FRAS1: variants seen among roughly 807,000 people sequenced by gnomAD.
FRAS1 encodes the protein extracellular matrix organizing protein FRAS1.
Under a neutral mutation model 435.2 loss-of-function variants are expected in FRAS1, and 290 were observed. The observed-to-expected ratio is 0.67, with a 90% confidence interval of 0.61 to 0.73. The LOEUF (loss-of-function observed/expected upper bound fraction) is 0.73. FRAS1 is among the 30% of genes least tolerant of loss of function. FRAS1 has a pLI of 0.00. For synonymous variants in FRAS1, 1,800 were observed against 1,851.0 expected (o/e 0.97, Z 0.71); for missense variants, 4,860 against 5,001.5 (o/e 0.97, Z 0.85).
At chr4:78,200,164 T>C (rs1254515721) in intron 2 of FRAS1, among the ~76,000 whole-genome samples, 1 of 152,204 alleles carries the variant, frequency 6.6e-6, no homozygotes, top group African/African-American at 2.4e-5. Flanking sequence ...TACTGGATGA[T>C]GAAATGTTAC....
chr4:78,495,959 C>T (rs1185307884), intron 59 of FRAS1, among the ~76,000 whole-genome samples: 1 of 152,126 alleles, frequency 6.6e-6, no homozygotes, highest in African/African-American at 2.4e-5. Flanking sequence ...TAAATATTCA[C>T]AGGGATATTC....
chr4:78,392,187 A>G (rs1474817126), intron 29 of FRAS1, among the ~76,000 whole-genome samples: 1 of 152,136 alleles, frequency 6.6e-6, no homozygotes, highest in East Asian at 1.9e-4. Context: ...TGCTTTCTTT[A>G]TGCTGGTAAA....
intron 36 of FRAS1, 61 bp from the exon 37 acceptor site, chr4:78,430,231 A>G: frequency 1.9e-6 from 3 of 1,607,058 alleles, no homozygotes; most frequent in African/African-American, 1.3e-5. Context: ...GTTTTAATAT[A>G]TAGTCTATCG....
chr4:78,450,124 AC>A, intron 44 of FRAS1, 26 bp from the exon 45 acceptor site: 1 of 1,586,426 alleles, frequency 6.3e-7, no homozygotes, highest in South Asian at 1.1e-5. Context: ...TTGGGGAATA[AC>A]CTACTCTCTT....
intron 13 of FRAS1, 29 bp from the exon 14 acceptor site, chr4:78,286,376 T>C: frequency 6.2e-7 from 1 of 1,612,416 alleles, no homozygotes; most frequent in Non-Finnish European, 8.5e-7. Flanking sequence ...ATGGTTCCTT[T>C]CTCTTTCTTC....
chr4:78,141,222 T>C (rs1291407359), intron 2 of FRAS1, among the ~76,000 whole-genome samples: 1 of 152,062 alleles, frequency 6.6e-6, no homozygotes, highest in Non-Finnish European at 1.5e-5. Context: ...CAGGCGCCAG[T>C]GTGTGATGTT....
At chr4:78,298,003 CCTCTCTCT>C (rs765903880) in intron 14 of FRAS1, among the ~76,000 whole-genome samples, 13 of 119,262 alleles carry the variant, frequency 1.1e-4, no homozygotes, top group South Asian at 5.2e-4. Context: ...TTAATTTGTT[CCTCTCTCT>C]CTCTCTCTCT....
intron 50 of FRAS1, among the ~76,000 whole-genome samples, chr4:78,467,806 G>A (rs1719581673): frequency 6.6e-6 from 1 of 152,086 alleles, no homozygotes; most frequent in Admixed American, 6.5e-5. Flanking sequence ...GTTTTGATTT[G>A]CATTTCTCTG....
chr4:78,172,560 T>G (rs1047862209), intron 2 of FRAS1, among the ~76,000 whole-genome samples: 4 of 152,110 alleles, frequency 2.6e-5, no homozygotes, highest in South Asian at 2.1e-4. Context: ...AGCTGAATTT[T>G]GAAAACTAAA....
At chr4:78,325,334 C>T (rs1250574989) in intron 18 of FRAS1, among the ~76,000 whole-genome samples, 4 of 152,186 alleles carry the variant, frequency 2.6e-5, no homozygotes, top group Non-Finnish European at 5.9e-5. Context: ...ATAAAGCATG[C>T]TCTGTGTATT....
At chr4:78,366,246 A>T (rs912947559) in intron 22 of FRAS1, among the ~76,000 whole-genome samples, 1 of 152,216 alleles carries the variant, frequency 6.6e-6, no homozygotes, top group Admixed American at 6.5e-5. Context: ...ATGATATGTA[A>T]GGTTCTGAGT....
chr4:78,280,762 A>G (rs1727294851), intron 10 of FRAS1, among the ~76,000 whole-genome samples: 1 of 152,150 alleles, frequency 6.6e-6, no homozygotes, highest in South Asian at 2.1e-4. Flanking sequence ...AGCGATAACA[A>G]TAGGACTTAC....
Position 78,312,179 on chromosome 4 carries a change from C to CATATATATATATATATATATATAT in FRAS1, c.1679-3395_1679-3394insATATATATATATATATATATATAT, listed in dbSNP as rs10526590. Among the ~76,000 whole-genome samples the CATATATATATATATATATATATAT allele has an allele frequency of 2.9e-3, 367 of 128,410 alleles. 8 individuals carry two copies. The highest frequency in any genetic ancestry group is 4.8e-3 in the Non-Finnish European group (280 of 58,302). 84.2% of individuals were successfully genotyped at this position (128,410 alleles called of 152,430 possible). A position where few individuals can be genotyped will look rare whatever the true frequency, so the allele number is the denominator to read the frequency against. On this transcript the variant is annotated intron_variant, in intron 15 of 73. Transcript: ENST00000512123. ...TTAGGTTGTCGAGCCATCTGAAGTC[C>CATATATATATATATATATATATAT]ATATATATATATATATATATGGGTT... is the stretch of plus-strand genomic sequence containing the variant.
intron 2 of FRAS1, among the ~76,000 whole-genome samples, chr4:78,090,507 G>C (rs1482707209): frequency 2.0e-5 from 3 of 152,042 alleles, no homozygotes; most frequent in East Asian, 3.9e-4. Flanking sequence ...TGTCAGATCT[G>C]GTTAAGTCCA....
Position 78,066,127 on chromosome 4 carries a change from T to TTA in FRAS1, c.108+111_108+112insTA. ...CATTGTAGAATATGTTTATTTTTCT[T>TTA]CAACGTTTGACAATTAGCCCTCATT... On this transcript the variant is annotated intron_variant, in intron 2 of 73. Transcript: ENST00000512123. The TTA allele has an allele frequency of 3.8e-6, 3 of 793,754 alleles. No homozygotes were observed. The South Asian group carries it at 4.6e-5, about 12-fold the overall frequency. 49.2% of individuals were successfully genotyped at this position (793,754 alleles called of 1,614,324 possible).
intron 33 of FRAS1, among the ~76,000 whole-genome samples, chr4:78,419,731 G>A (rs1733695934): frequency 6.6e-6 from 1 of 152,178 alleles, no homozygotes; most frequent in Admixed American, 6.5e-5. Flanking sequence ...TTGGCTCATG[G>A]TTTCACAGGC....
At chr4:78,076,636 T>A (rs1281216433) in intron 2 of FRAS1, among the ~76,000 whole-genome samples, 1 of 152,210 alleles carries the variant, frequency 6.6e-6, no homozygotes, top group Non-Finnish European at 1.5e-5. Context: ...ATATATTTTT[T>A]AAAAGAAAGA....
At chr4:78,385,220 G>A (rs12646915) in intron 28 of FRAS1, among the ~76,000 whole-genome samples, 61,300 of 151,950 alleles carry the variant, frequency 0.4, 12,646 homozygotes, top group African/African-American at 0.47. Context: ...TTGAAGAGCC[G>A]AAATGTATGA....
chr4:78,228,925 G>A (rs1319315144), intron 2 of FRAS1, among the ~76,000 whole-genome samples: 1 of 152,200 alleles, frequency 6.6e-6, no homozygotes, highest in Non-Finnish European at 1.5e-5. Context: ...CAGAGACTCA[G>A]AAAAGCTAAG....
Sources: allele counts gnomAD v4.1 joint callset (sites outside exome capture counted in the v4.1 genomes callset), GRCh38; gene constraint gnomAD v4.1.1; transcripts MANE v1.5; gene names NCBI Gene and HGNC (gene_info 2026-07-23, HGNC 2026-07-21).